Variants in CACNA1A observed in about 807,000 individuals in gnomAD.
CACNA1A encodes the protein voltage-dependent P/Q-type calcium channel subunit alpha-1A.
CACNA1A carries 57 observed loss-of-function variants against 262.4 expected under a neutral mutation model. The ratio of observed to expected loss-of-function variants is 0.22; its 90% confidence interval spans 0.18 to 0.27. The LOEUF (loss-of-function observed/expected upper bound fraction) is 0.27, where lower values mean the gene tolerates loss of function less well. Among genes scored for constraint, CACNA1A ranks in the 10% least tolerant of loss-of-function variants. The pLI, the probability that CACNA1A is intolerant of heterozygous loss-of-function variation, is 1.00. For missense variants in CACNA1A, 2,526 were observed against 3,562.8 expected (o/e 0.71, Z 7.41); for synonymous variants, 1,431 against 1,419.3 (o/e 1.01, Z -0.18).
Position 13,349,333 on chromosome 19 carries a change from C to A in CACNA1A, c.978+10273G>T, listed in dbSNP as rs1325959434. ...CACCCTGGTCCTGCCAGGTCCCCAG[C>A]CCCTCCACATCCCCTCCTTGGGGGC... is the stretch of plus-strand genomic sequence containing the variant. On this transcript the variant is annotated intron_variant, in intron 6 of 46. Transcript: ENST00000360228. 2.6e-5 allele frequency among the ~76,000 whole-genome samples: 4 copies of A among 152,352 alleles called. No homozygotes were observed. In the East Asian group the frequency reaches 5.8e-4, roughly 22 times the overall value.
chr19:13,215,006 G>A (rs2144540447), intron 38 of CACNA1A: 1 of 169,356 alleles, frequency 5.9e-6, no homozygotes, highest in East Asian at 1.7e-4. Context: ...GTGTGTGTGT[G>A]TGTGTGTTTT....
At chr19:13,235,063 G>A (rs771506792) in intron 33 of CACNA1A, 27 bp from the exon 34 acceptor site, 20 of 1,572,808 alleles carry the variant, frequency 1.3e-5, no homozygotes, top group Non-Finnish European at 1.8e-5. Context: ...TGACGACCAG[G>A]GGCTGCCATT....
chr19:13,220,562 G>C (rs1379664313), intron 38 of CACNA1A, among the ~76,000 whole-genome samples: 1 of 152,190 alleles, frequency 6.6e-6, no homozygotes, highest in East Asian at 1.9e-4. Context: ...AGCCCAGCTT[G>C]GCTGACACCT....
At chr19:13,277,627 G>C (rs2057181982) in intron 22 of CACNA1A, 1 of 156,692 alleles carries the variant, frequency 6.4e-6, no homozygotes, top group South Asian at 1.8e-4. Context: ...CCCCTGCCAG[G>C]GTAGGTTGAT....
intron 28 of CACNA1A, among the ~76,000 whole-genome samples, chr19:13,255,888 G>A (rs756273092): frequency 7.0e-4 from 77 of 109,290 alleles, no homozygotes; most frequent in Admixed American, 4.6e-3. Flanking sequence ...TCTTTCCTTC[G>A]CTCCCTTTCT....
At chr19:13,465,307 G>A (rs1254569038) in intron 1 of CACNA1A, among the ~76,000 whole-genome samples, 2 of 152,112 alleles carry the variant, frequency 1.3e-5, no homozygotes, top group South Asian at 2.1e-4. Context: ...TCTCAAATCT[G>A]AAATGTTTCC....
At chr19:13,363,327 TCTC>T (rs2059146003) in intron 5 of CACNA1A, 2 of 151,780 alleles carry the variant, frequency 1.3e-5, no homozygotes, top group African/African-American at 2.4e-5. Context: ...TCTCTCTCTC[TCTC>T]TCTCTCTCGC....
intron 5 of CACNA1A, chr19:13,364,590 C>A (rs557472193): frequency 6.6e-6 from 1 of 152,228 alleles, no homozygotes; most frequent in African/African-American, 2.4e-5. Context: ...AGCTCCCTTG[C>A]CCCTTGGCTG....
Position 13,380,928 on chromosome 19 carries a change from C to T in CACNA1A, c.540-9149G>A, listed in dbSNP as rs546266959. 1.1e-4 allele frequency among the ~76,000 whole-genome samples: 17 copies of T among 151,994 alleles called. 1 individual carries two copies. The highest frequency in any genetic ancestry group is 2.9e-4 in the African/African-American group (12 of 41,506). On this transcript the variant is annotated intron_variant, in intron 3 of 46. Coordinates refer to ENST00000360228, the MANE Select transcript of CACNA1A (RefSeq NM_001127222.2). Reference sequence around the variant, plus strand: ...AGCTGGGACTACAGGTGGGAGCCACCAAGCCCAGCTAATTTTTGTATTTTT... The same window carrying T: ...AGCTGGGACTACAGGTGGGAGCCACTAAGCCCAGCTAATTTTTGTATTTTT...
At chr19:13,252,339 G>A (rs947906812) in intron 30 of CACNA1A, among the ~76,000 whole-genome samples, 7 of 151,948 alleles carry the variant, frequency 4.6e-5, no homozygotes, top group Non-Finnish European at 1.0e-4. Context: ...CTCCTGAAGT[G>A]CTAGGATTAC....
intron 9 of CACNA1A, among the ~76,000 whole-genome samples, chr19:13,331,853 C>T (rs1243645578): frequency 2.6e-5 from 4 of 151,518 alleles, no homozygotes; most frequent in African/African-American, 9.7e-5. Context: ...AGAGACGGAA[C>T]CTCATTATGT....
intron 35 of CACNA1A, among the ~76,000 whole-genome samples, chr19:13,230,982 G>A (rs996101071): frequency 6.8e-6 from 1 of 147,516 alleles, no homozygotes; most frequent in African/African-American, 2.5e-5. Context: ...TTCTTCCCTC[G>A]CAATGTTTTT....
intron 7 of CACNA1A, among the ~76,000 whole-genome samples, chr19:13,335,136 A>G (rs1452173750): frequency 6.6e-6 from 1 of 152,168 alleles, no homozygotes; most frequent in Admixed American, 6.5e-5. Flanking sequence ...ACTTTTGGCT[A>G]ATAATTATTT....
intron 1 of CACNA1A, among the ~76,000 whole-genome samples, chr19:13,478,038 C>T (rs1268722572): frequency 6.6e-6 from 1 of 152,156 alleles, no homozygotes; most frequent in Non-Finnish European, 1.5e-5. Flanking sequence ...CCAGACAAAT[C>T]TTCGTCTCTC....
intron 38 of CACNA1A, among the ~76,000 whole-genome samples, chr19:13,223,566 C>T (rs1459977364): frequency 6.6e-6 from 1 of 152,174 alleles, no homozygotes; most frequent in East Asian, 1.9e-4. Flanking sequence ...CTTTCGGTCT[C>T]CCATCCCCTC....
intron 1 of CACNA1A, among the ~76,000 whole-genome samples, chr19:13,480,955 T>C (rs947888412): frequency 6.6e-6 from 1 of 152,176 alleles, no homozygotes; most frequent in African/African-American, 2.4e-5. Flanking sequence ...ATTGAGACCG[T>C]GGACTCCGAA....
chr19:13,342,294 G>C (rs1004346422), intron 6 of CACNA1A, among the ~76,000 whole-genome samples: 1 of 152,142 alleles, frequency 6.6e-6, no homozygotes, highest in Admixed American at 6.6e-5. Context: ...TGCCATGGCT[G>C]TTCTGTGGTA....
Position 13,214,120 on chromosome 19 carries a change from T to G in CACNA1A, c.5940+113A>C. 1.2e-6 allele frequency: 1 copy of G among 819,696 alleles called. No individual in the cohort carries two copies. The highest frequency in any genetic ancestry group is 1.6e-5 in the South Asian group (1 of 62,778). The allele number at this position is 819,696 out of a possible 1,614,324, so 50.8% of individuals were successfully genotyped here. On this transcript the variant is annotated intron_variant, in intron 40 of 46. Transcript: ENST00000360228. This position sits in a 1 kb window ranked among gnomAD's most constrained non-coding sequence, Gnocchi z 4.1. Reference sequence around the variant, plus strand: ...GTGAGCTGCTGTGCACAGCCCCTACTTTTCAGGGACCTGCCCTGGGGCTCA... The same window carrying G: ...GTGAGCTGCTGTGCACAGCCCCTACGTTTCAGGGACCTGCCCTGGGGCTCA...
rs2057799084 is a variant in CACNA1A, at chr19:13,302,062, AT to A, written c.2173-1407del. Among the ~76,000 whole-genome samples the A allele has an allele frequency of 2.0e-5, 3 of 152,186 alleles. 1 individual carries two copies. The South Asian group carries it at 6.2e-4, about 32-fold the overall frequency. On this transcript the variant is annotated intron_variant, in intron 17 of 46. Transcript: ENST00000360228. The stretch of plus-strand genomic sequence containing the variant: ...CCAAGTGAGCATAAAACATGCCCAA[AT>A]TCAAGCAACTGGTACACAGCAGTTA...
Sources: gnomAD v4.1 joint callset for allele counts (sites outside exome capture counted in the v4.1 genomes callset) on GRCh38, gnomAD v4.1.1 for gene constraint, Gnocchi (gnomAD v3.1) non-coding constraint, MANE v1.5 for transcripts, NCBI Gene and HGNC (gene_info 2026-07-23, HGNC 2026-07-21) for gene names.